HEPH: variants seen among roughly 807,000 people sequenced by gnomAD.
HEPH encodes the protein hephaestin.
Under a neutral mutation model 80.8 loss-of-function variants are expected in HEPH, and 69 were observed. The observed-to-expected ratio is 0.85, with a 90% CI of 0.70 to 1.04. The LOEUF is 1.04. HEPH is among the 50% of genes least tolerant of loss of function. The pLI is 0.00. For synonymous variants in HEPH, 431 were observed against 322.8 expected (o/e 1.34, Z -3.60); for missense variants, 1,115 against 891.3 (o/e 1.25, Z -3.20).
rs2091560353 is a variant in HEPH, at chrX:66,267,046, C to A, written c.*374C>A. On this transcript the variant is annotated 3_prime_UTR_variant, in exon 21 of 21. Coordinates refer to ENST00000343002, the MANE Select transcript of HEPH (RefSeq NM_001367233.3). Reference sequence around the variant, plus strand: ...TCATTGATTGGGTTTCTACTTCTTTCAAGGACTCAGGAAATTTCACTTTGA... The same window carrying A: ...TCATTGATTGGGTTTCTACTTCTTTAAAGGACTCAGGAAATTTCACTTTGA... 6.9e-6 allele frequency: 1 copy of A among 144,001 alleles called. No individual in the cohort carries two copies. Among genetic ancestry groups the A allele is most frequent in the African/African-American group, 3.1e-5 (1 of 31,802 alleles). 11.9% of individuals were successfully genotyped at this position (144,001 alleles called of 1,213,427 possible).
chrX:66,180,383 T>C (rs1602230443), intron 4 of HEPH, among the ~76,000 whole-genome samples: 1 of 111,107 alleles, frequency 9.0e-6, no homozygotes, highest in South Asian at 3.8e-4. Context: ...TTTTGCTGGA[T>C]ACAGAATTCT....
At chrX:66,242,910 G>T (rs1487553278) in intron 15 of HEPH, among the ~76,000 whole-genome samples, 1 of 111,919 alleles carries the variant, frequency 8.9e-6, no homozygotes, top group Non-Finnish European at 1.9e-5. Context: ...ATACACTGCT[G>T]GCAGAAATGT....
chrX:66,210,980 G>A (rs1013708519), intron 15 of HEPH, among the ~76,000 whole-genome samples: 1 of 111,317 alleles, frequency 9.0e-6, no homozygotes, highest in Non-Finnish European at 1.9e-5. Context: ...ACATCGAGGT[G>A]GAAATGAGAG....
At chrX:66,201,673 G>T (rs2147795977) in intron 12 of HEPH, among the ~76,000 whole-genome samples, 1 of 111,178 alleles carries the variant, frequency 9.0e-6, no homozygotes, top group Admixed American at 9.6e-5. Context: ...CATATCTGGG[G>T]GGAAAAACAT....
chrX:66,178,587 C>T (rs1187220125), intron 4 of HEPH, among the ~76,000 whole-genome samples: 5 of 112,012 alleles, frequency 4.5e-5, no homozygotes, highest in African/African-American at 6.5e-5. Flanking sequence ...CCTATTTCTC[C>T]ACATCCTCTC....
chrX:66,240,870 C>A (rs1602486502), intron 15 of HEPH, among the ~76,000 whole-genome samples: 1 of 111,773 alleles, frequency 8.9e-6, no homozygotes, highest in East Asian at 2.8e-4. Context: ...TACACATAGT[C>A]ATCAGATCCT....
rs780579449 is a variant in HEPH at position 66,237,048 on chromosome X, G to A, written c.2564-17987G>A. On this transcript the variant is annotated intron_variant, in intron 15 of 20. Transcript: ENST00000343002. ...ATCTAACTAGAAGTCTATTTTATTA[G>A]TTACTTCAAAAAACAAACCCCTGGA... Among the ~76,000 whole-genome samples the A allele has an allele frequency of 1.3e-3, 138 of 109,373 alleles. 1 individual carries two copies. The highest frequency in any genetic ancestry group is 4.3e-3 in the African/African-American group (131 of 30,153). 95.0% of individuals were successfully genotyped at this position (109,373 alleles called of 115,157 possible). A position where few individuals can be genotyped will look rare whatever the true frequency, so the allele number is the denominator to read the frequency against.
At chrX:66,222,594 C>T (rs997893383) in intron 15 of HEPH, among the ~76,000 whole-genome samples, 3 of 111,948 alleles carry the variant, frequency 2.7e-5, no homozygotes, top group African/African-American at 6.5e-5. Context: ...GGCAGTCCAT[C>T]CTTGCTCTCT....
At chrX:66,248,656 G>C (rs898844787) in intron 15 of HEPH, among the ~76,000 whole-genome samples, 1 of 112,209 alleles carries the variant, frequency 8.9e-6, no homozygotes, top group Non-Finnish European at 1.9e-5. Context: ...TGTGAAGAAG[G>C]AAAAATAAAT....
At chrX:66,162,902 C>T (rs754567165), upstream of HEPH, 4 of 1,138,474 alleles carry the variant, frequency 3.5e-6, no homozygotes, top group East Asian at 3.3e-5. Flanking sequence ...GGTGGAACCC[C>T]CATCATACCT....
chrX:66,205,983 A>G (rs2088749750), intron 13 of HEPH, among the ~76,000 whole-genome samples: 1 of 111,316 alleles, frequency 9.0e-6, no homozygotes, highest in Non-Finnish European at 1.9e-5. Context: ...CACTTGTAGA[A>G]TAAGTCCTGT....
chrX:66,210,886 G>A (rs1234507609), intron 15 of HEPH, among the ~76,000 whole-genome samples: 1 of 111,436 alleles, frequency 9.0e-6, no homozygotes, highest in Non-Finnish European at 1.9e-5. Flanking sequence ...CAGGAAGCAG[G>A]GGGCAGTTTT....
chrX:66,214,446 A>T (rs764304074), intron 15 of HEPH, among the ~76,000 whole-genome samples: 2 of 111,488 alleles, frequency 1.8e-5, no homozygotes, highest in East Asian at 2.8e-4. Context: ...CCGATTTGTC[A>T]TCTACTTGTT....
At chrX:66,171,583 T>A (rs1048005110) in intron 2 of HEPH, among the ~76,000 whole-genome samples, 2 of 111,904 alleles carry the variant, frequency 1.8e-5, no homozygotes, top group African/African-American at 3.2e-5. Flanking sequence ...GATTGTAATA[T>A]CTCTGAGTTC....
chrX:66,231,942 A>T (rs189524951), intron 15 of HEPH, among the ~76,000 whole-genome samples: 1 of 110,701 alleles, frequency 9.0e-6, no homozygotes, highest in East Asian at 2.8e-4. Context: ...ATTATTTTGA[A>T]GTACGTCCCA....
intron 10 of HEPH, among the ~76,000 whole-genome samples, chrX:66,198,537 C>T (rs1197496102): frequency 9.0e-6 from 1 of 111,136 alleles, no homozygotes; most frequent in African/African-American, 3.3e-5. Context: ...AAGACCCTCC[C>T]CTGCTTTTCT....
chrX:66,248,225 C>A (rs1047745874), intron 15 of HEPH, among the ~76,000 whole-genome samples: 2 of 111,702 alleles, frequency 1.8e-5, no homozygotes, highest in African/African-American at 3.3e-5. Flanking sequence ...TTCAATTATT[C>A]ATGTTCAATC....
Position 66,173,576 on chromosome X carries a change from A to C in HEPH, c.413-13A>C. ...CTTATTCTGGGCCTGTGCATGTACA[A>C]TTTCATTTCTAGGTTCCCTATACCC... is the stretch of plus-strand genomic sequence containing the variant. On this transcript the variant is annotated splice_polypyrimidine_tract_variant and intron_variant, in intron 3 of 20. Transcript: ENST00000343002. 2 of 1,183,262 alleles carry C rather than the reference A, an allele frequency of 1.7e-6. No individual in the cohort carries two copies. Among genetic ancestry groups the C allele is most frequent in the African/African-American group, 1.8e-5 (1 of 57,089 alleles).
At chrX:66,217,754 C>G (rs906875334) in intron 15 of HEPH, among the ~76,000 whole-genome samples, 7 of 111,571 alleles carry the variant, frequency 6.3e-5, no homozygotes, top group African/African-American at 2.0e-4. Flanking sequence ...AGAATAGATA[C>G]GAATTCACCA....
Sources: allele counts gnomAD v4.1 joint callset (sites outside exome capture counted in the v4.1 genomes callset), GRCh38; gene constraint gnomAD v4.1.1; transcripts MANE v1.5; gene names NCBI Gene and HGNC (gene_info 2026-07-23, HGNC 2026-07-21).